ZC3H12B: variants seen among roughly 807,000 people sequenced by gnomAD.
ZC3H12B encodes probable ribonuclease ZC3H12B.
A neutral mutation model predicts 43.9 loss-of-function variants in ZC3H12B; 7 were observed. The ratio of observed to expected loss-of-function variants is 0.16; its 90% CI spans 0.09 to 0.30. The LOEUF (loss-of-function observed/expected upper bound fraction) is 0.30, where lower values mean the gene tolerates loss of function less well. Ranked by LOEUF, ZC3H12B falls within the 10% of genes least tolerant of loss-of-function variation. ZC3H12B has a pLI of 1.00. For synonymous variants in ZC3H12B, 222 were observed against 241.7 expected, an observed-to-expected ratio of 0.92 and a Z score of 0.76; for missense variants, 475 against 670.2, an observed-to-expected ratio of 0.71 and a Z score of 3.22.
At chrX:65,174,802 GCTGGGCT>G in the ZC3H12B span, among the ~76,000 whole-genome samples, 1 of 111,952 alleles carries the variant, frequency 8.9e-6, no homozygotes, top group South Asian at 3.7e-4. Flanking sequence ...TTCTTAGCTT[GCTGGGCT>G]CCATGAAAGT....
the ZC3H12B span, among the ~76,000 whole-genome samples, chrX:65,332,173 C>T: frequency 2.1e-4 from 23 of 110,349 alleles, no homozygotes; most frequent in Admixed American, 5.8e-4. Flanking sequence ...TATAAGAGAA[C>T]CCTTAATCTT....
chrX:65,170,932 C>A, the ZC3H12B span, among the ~76,000 whole-genome samples: 2 of 111,554 alleles, frequency 1.8e-5, no homozygotes, highest in African/African-American at 6.5e-5. Context: ...GTTAGCCATT[C>A]GTCTAATATT....
chrX:65,135,576 G>T, the ZC3H12B span, among the ~76,000 whole-genome samples: 10 of 109,066 alleles, frequency 9.2e-5, no homozygotes, highest in Non-Finnish European at 1.5e-4. Flanking sequence ...TCTTGAATCT[G>T]TAATTTTGTA....
At chrX:65,420,149 A>G (rs1357314346) in intron 3 of ZC3H12B, among the ~76,000 whole-genome samples, 3 of 111,524 alleles carry the variant, frequency 2.7e-5, no homozygotes, top group African/African-American at 9.8e-5. Context: ...CCAGGCCCCA[A>G]AGCCTGCCCT....
intron 2 of ZC3H12B, among the ~76,000 whole-genome samples, chrX:65,369,922 T>A (rs1282416115): frequency 9.0e-6 from 1 of 111,109 alleles, no homozygotes; most frequent in East Asian, 2.8e-4. Context: ...AGCCTCTTCT[T>A]ATAATTTAGG....
intron 2 of ZC3H12B, among the ~76,000 whole-genome samples, chrX:65,498,296 G>A (rs954551782): frequency 9.8e-5 from 11 of 111,751 alleles, no homozygotes; most frequent in African/African-American, 3.6e-4. Context: ...ACGGCAGAGG[G>A]GTCTCTACAT....
chrX:65,109,484 G>A, the ZC3H12B span, among the ~76,000 whole-genome samples: 1 of 111,376 alleles, frequency 9.0e-6, no homozygotes, highest in Non-Finnish European at 1.9e-5. Context: ...CTTCCACTTC[G>A]TATGTTTTCT....
the ZC3H12B span, among the ~76,000 whole-genome samples, chrX:65,196,101 G>A: frequency 2.7e-5 from 3 of 110,144 alleles, no homozygotes; most frequent in East Asian, 5.7e-4. Context: ...CTGAATCAAG[G>A]GCCTGCAGGA....
At chrX:65,114,916 A>AT in the ZC3H12B span, among the ~76,000 whole-genome samples, 3,918 of 19,265 alleles carry the variant, frequency 0.2, 864 homozygotes, top group East Asian at 0.55. Flanking sequence ...GTGTCTCAGG[A>AT]TTTTTTTTTT....
At chrX:65,213,411 A>T in the ZC3H12B span, among the ~76,000 whole-genome samples, 1 of 111,478 alleles carries the variant, frequency 9.0e-6, no homozygotes, top group Non-Finnish European at 1.9e-5. Flanking sequence ...TAACGGGATC[A>T]CTTGGCTCAT....
At chrX:65,345,381 A>G in the ZC3H12B span, among the ~76,000 whole-genome samples, 1 of 112,174 alleles carries the variant, frequency 8.9e-6, no homozygotes, top group Non-Finnish European at 1.9e-5. Flanking sequence ...AAAGAATGAG[A>G]TCATGTCATT....
chrX:65,170,552 C>G, the ZC3H12B span, among the ~76,000 whole-genome samples: 2 of 111,360 alleles, frequency 1.8e-5, no homozygotes, highest in African/African-American at 3.3e-5. Context: ...GTGGCATTCT[C>G]TGTATTTCCT....
chrX:65,394,969 A>G (rs943589948), intron 2 of ZC3H12B, among the ~76,000 whole-genome samples: 10 of 111,253 alleles, frequency 9.0e-5, no homozygotes, highest in Non-Finnish European at 1.7e-4. Flanking sequence ...TTCTTGTTGT[A>G]GTAATTGTGA....
At chrX:65,386,471 T>C (rs1177956471) in intron 2 of ZC3H12B, among the ~76,000 whole-genome samples, 1 of 112,063 alleles carries the variant, frequency 8.9e-6, no homozygotes, top group East Asian at 2.8e-4. Flanking sequence ...TAGTTTGTAT[T>C]TCTGTGGTAT....
the ZC3H12B span, among the ~76,000 whole-genome samples, chrX:65,232,333 C>A: frequency 9.0e-6 from 1 of 111,605 alleles, no homozygotes; most frequent in Admixed American, 9.5e-5. Flanking sequence ...GAAATCTTAA[C>A]AATTTATGTT....
the ZC3H12B span, among the ~76,000 whole-genome samples, chrX:65,164,337 G>T: frequency 9.0e-6 from 1 of 111,186 alleles, no homozygotes; most frequent in Non-Finnish European, 1.9e-5. Context: ...TTAATGGGCT[G>T]GGTGGTATCA....
chrX:65,344,055 C>A, the ZC3H12B span, among the ~76,000 whole-genome samples: 1 of 111,857 alleles, frequency 8.9e-6, no homozygotes, highest in African/African-American at 3.2e-5. Flanking sequence ...CCAAGAGCCA[C>A]ATCAGGAACA....
chrX:65,321,758 T>C, the ZC3H12B span, among the ~76,000 whole-genome samples: 1 of 110,138 alleles, frequency 9.1e-6, no homozygotes, highest in African/African-American at 3.3e-5. Context: ...TGGATGGAGC[T>C]GTATGCCATT....
At chrX:65,298,268 C>G in the ZC3H12B span, among the ~76,000 whole-genome samples, 1 of 111,435 alleles carries the variant, frequency 9.0e-6, no homozygotes, top group African/African-American at 3.3e-5. Flanking sequence ...GACTAATATC[C>G]AGAATCTACA....
Sources: gnomAD v4.1 joint callset for allele counts (sites outside exome capture counted in the v4.1 genomes callset) on GRCh38, gnomAD v4.1.1 for gene constraint, MANE v1.5 for transcripts, NCBI Gene and HGNC (gene_info 2026-07-23, HGNC 2026-07-21) for gene names.